Variants in NOVA2 observed in about 807,000 individuals in gnomAD.
The protein encoded by NOVA2 is RNA-binding protein Nova-2.
NOVA2 carries 9 observed loss-of-function variants against 22.5 expected under a neutral mutation model. The ratio of observed to expected loss-of-function variants is 0.40; its 90% CI spans 0.24 to 0.70. NOVA2 has a LOEUF of 0.70. NOVA2 is among the 30% of genes least tolerant of loss of function. The pLI is 0.38. For synonymous variants in NOVA2, 318 were observed against 335.2 expected (o/e 0.95, Z 0.56); for missense variants, 383 against 682.8 (o/e 0.56, Z 4.89).
chr19:45,962,988 G>C (rs4803876), intron 1 of NOVA2, among the ~76,000 whole-genome samples: 8,633 of 151,600 alleles, frequency 0.057, 605 homozygotes, highest in East Asian at 0.16. Flanking sequence ...AAAGCATTTT[G>C]TTAATGTAGT....
Position 45,940,292 on chromosome 19 carries a change from G to A in NOVA2, c.1050C>T (p.Pro350=). The change falls in exon 4 of 4, where the codon CCC becomes CCT. Residue 350 remains proline (P), a synonymous_variant. Coordinates refer to ENST00000263257, the MANE Select transcript of NOVA2 (RefSeq NM_002516.4). ...GGAAPPPPPP[P]GALGSFALAA... ...CCAACGCAAAGGACCCCAGGGCTCC[G>A]GGAGGCGGGGGCGGCGGCGGGGCGG... is the stretch of plus-strand genomic sequence containing the variant. 5 of 1,124,522 alleles carry A rather than the reference G, an allele frequency of 4.4e-6. No homozygotes were observed. The highest frequency in any genetic ancestry group is 4.3e-6 in the Non-Finnish European group (4 of 922,538). 69.7% of individuals were successfully genotyped at this position (1,124,522 alleles called of 1,614,324 possible).
chr19:45,941,618 CAG>C (rs1967759778), intron 3 of NOVA2, among the ~76,000 whole-genome samples: 1 of 151,576 alleles, frequency 6.6e-6, no homozygotes, highest in Non-Finnish European at 1.5e-5. Context: ...TATTTCAGGT[CAG>C]GTGCAATGGC....
chr19:45,939,812 A>G lies in NOVA2; in HGVS notation c.*51T>C. ...GGAGTTGGGGGGGAGGAGGAGAGGG[A>G]AGAGGAGGAGATGGGAGGAGAGAAA... is the stretch of plus-strand genomic sequence containing the variant. On this transcript the variant is annotated 3_prime_UTR_variant, in exon 4 of 4. Coordinates refer to ENST00000263257, the MANE Select transcript of NOVA2 (RefSeq NM_002516.4). The G allele has an allele frequency of 6.2e-7, 1 of 1,604,096 alleles. No homozygotes were observed. Among genetic ancestry groups the G allele is most frequent in the Non-Finnish European group, 8.5e-7 (1 of 1,173,942 alleles).
Position 45,934,937 on chromosome 19 carries a change from TC to T in NOVA2, c.*4925del, listed in dbSNP as rs1215346693. 1 of 149,824 alleles carries T rather than the reference TC, an allele frequency of 6.7e-6. No individual in the cohort carries two copies. Among genetic ancestry groups the T allele is most frequent in the South Asian group, 2.1e-4 (1 of 4,692 alleles). The allele number at this position is 149,824 out of a possible 1,614,324, so 9.3% of individuals were successfully genotyped here. ...GGAAAGGTAGCAACTGCCCCTAGCC[TC>T]CCCCCTCCCCCCTGCCGGACACACA... On this transcript the variant is annotated 3_prime_UTR_variant, in exon 4 of 4. Coordinates refer to ENST00000263257, the MANE Select transcript of NOVA2 (RefSeq NM_002516.4).
In NOVA2 at chr19:45,973,301, G is replaced by T. The variant is rs769510806; in HGVS notation, c.51C>A (p.Pro17=). Residue 17 remains proline (P), a synonymous_variant, in exon 1 of 4, where the codon CCC becomes CCA. Transcript: ENST00000263257. The part of the protein sequence containing the change: ...DSRKRPLETP[P]EVVCTKRSNT... ...TGCTGCGCTTGGTGCAGACCACCTC[G>T]GGGGGCGTTTCGAGGGGCCTCTTGC... The T allele has an allele frequency of 3.0e-6, 4 of 1,344,682 alleles. No individual in the cohort carries two copies. The highest frequency in any genetic ancestry group is 2.9e-6 in the Non-Finnish European group (3 of 1,040,186). 83.3% of individuals were successfully genotyped at this position (1,344,682 alleles called of 1,614,324 possible).
At chr19:45,948,998 C>T (rs896524662) in intron 3 of NOVA2, among the ~76,000 whole-genome samples, 1 of 152,002 alleles carries the variant, frequency 6.6e-6, no homozygotes, top group Admixed American at 6.6e-5. Flanking sequence ...AGATAAACCT[C>T]GAAAGTATTA....
rs368650005 is a variant in NOVA2, at chr19:45,937,399, C to A, written c.*2464G>T. The A allele has an allele frequency of 1.3e-5, 2 of 152,568 alleles. No homozygotes were observed. The highest frequency in any genetic ancestry group is 3.9e-4 in the East Asian group (2 of 5,180). The allele number at this position is 152,568 out of a possible 1,614,324, so 9.5% of individuals were successfully genotyped here. A position where few individuals can be genotyped will look rare whatever the true frequency, so the allele number is the denominator to read the frequency against. On this transcript the variant is annotated 3_prime_UTR_variant, in exon 4 of 4. Transcript: ENST00000263257. ...GACCTTACTTCACTCTCCCTGGCTC[C>A]TTCCCTTCCTCATAGGGTCCTGGGG...
Position 45,939,929 on chromosome 19 carries a change from G to A in NOVA2, c.1413C>T (p.Tyr471=), listed in dbSNP as rs1175468212. ...GSPAATQAAQ[Y]LISQRVTYEQ... is the part of the protein sequence containing the mutation. ...CGTAGGTGACCCGCTGACTGATGAG[G>A]TATTGAGCGGCTTGCGTGGCCGCGG... is the stretch of plus-strand genomic sequence containing the variant. Residue 471 remains tyrosine (Y), a synonymous_variant, in exon 4 of 4, where the codon TAC becomes TAT. Coordinates refer to ENST00000263257, the MANE Select transcript of NOVA2 (RefSeq NM_002516.4). 6.2e-7 allele frequency: 1 copy of A among 1,614,218 alleles called. No individual in the cohort carries two copies. Among genetic ancestry groups the A allele is most frequent in the Admixed American group, 1.7e-5 (1 of 60,032 alleles).
chr19:45,957,336 C>T (rs148304563), intron 2 of NOVA2, among the ~76,000 whole-genome samples: 12 of 151,928 alleles, frequency 7.9e-5, no homozygotes, highest in African/African-American at 1.9e-4. Flanking sequence ...GTCTGGAGTC[C>T]GAGACCAGCC....
chr19:45,940,481 T>C lies in NOVA2; in HGVS notation c.861A>G (p.Ala287=). 6.5e-7 allele frequency: 1 copy of C among 1,531,534 alleles called. No homozygotes were observed. The highest frequency in any genetic ancestry group is 8.8e-7 in the Non-Finnish European group (1 of 1,139,510). The allele number at this position is 1,531,534 out of a possible 1,614,324, so 94.9% of individuals were successfully genotyped here. A position where few individuals can be genotyped will look rare whatever the true frequency, so the allele number is the denominator to read the frequency against. Residue 287 remains alanine (A), a synonymous_variant, in exon 4 of 4, where the codon GCA becomes GCG. Transcript: ENST00000263257. Reference sequence around the variant, plus strand: ...GGGAGTTGGTGTTGTAGCCGTAACTTGCCAGCGTGTTAAGCGCCGTGCTGA... The same window carrying C: ...GGGAGTTGGTGTTGTAGCCGTAACTCGCCAGCGTGTTAAGCGCCGTGCTGA... ...LAISTALNTL[A]SYGYNTNSLG...
At chr19:45,941,819 C>T (rs1967763643) in intron 3 of NOVA2, among the ~76,000 whole-genome samples, 1 of 152,122 alleles carries the variant, frequency 6.6e-6, no homozygotes, top group Non-Finnish European at 1.5e-5. Context: ...CTCAGTAGCC[C>T]CTCAACCACC....
chr19:45,946,820 C>T (rs765077113), intron 3 of NOVA2, among the ~76,000 whole-genome samples: 3 of 150,946 alleles, frequency 2.0e-5, no homozygotes, highest in Admixed American at 6.6e-5. Flanking sequence ...TGCAGCGAGC[C>T]GAGATCATCG....
chr19:45,970,328 TA>T (rs1968217057), intron 1 of NOVA2, among the ~76,000 whole-genome samples: 2 of 152,060 alleles, frequency 1.3e-5, no homozygotes, highest in Middle Eastern at 3.2e-3. Context: ...CGTAAGACAT[TA>T]AACAATAATA....
intron 3 of NOVA2, among the ~76,000 whole-genome samples, chr19:45,953,029 G>C (rs1057458333): frequency 4.6e-5 from 7 of 152,254 alleles, no homozygotes; most frequent in Admixed American, 2.6e-4. Context: ...GCATGCATAG[G>C]GGAGTGGGGA....
At chr19:45,972,901 C>G (rs1298193647) in intron 1 of NOVA2, among the ~76,000 whole-genome samples, 1 of 152,114 alleles carries the variant, frequency 6.6e-6, no homozygotes, top group Admixed American at 6.5e-5. Flanking sequence ...TTCCCCTCCC[C>G]CAGCCAGGAC....
chr19:45,940,744 C>T lies in NOVA2; in HGVS notation c.598G>A (p.Val200Ile). 6.2e-7 allele frequency: 1 copy of T among 1,610,016 alleles called. No homozygotes were observed. The highest frequency in any genetic ancestry group is 8.5e-7 in the Non-Finnish European group (1 of 1,179,854). The change falls in exon 4 of 4, where the codon GTA (valine) becomes ATA (isoleucine). Residue 200 changes from valine (V) to isoleucine (I), a missense_variant. Val to Ile is a conservative substitution (Grantham distance 29, BLOSUM62 3). Coordinates refer to ENST00000263257, the MANE Select transcript of NOVA2 (RefSeq NM_002516.4). The stretch of plus-strand genomic sequence containing the variant: ...CTGCTGCTCTGGGGGTCTTCTTGTA[C>T]CTTCTGCACGATGGCGCTCACGGCC... Reference protein sequence around the residue: ...HKAVSAIVQKVQEDPQSSSCL... With the variant: ...HKAVSAIVQKIQEDPQSSSCL...
intron 2 of NOVA2, among the ~76,000 whole-genome samples, chr19:45,959,838 G>GAGAGAA (rs1272762578): frequency 2.6e-5 from 4 of 151,140 alleles, no homozygotes; most frequent in Admixed American, 2.0e-4. Flanking sequence ...GAGAGAGAGA[G>GAGAGAA]AGAGAAAGAG....
intron 1 of NOVA2, 100 bp downstream of exon 1, chr19:45,973,167 T>A: frequency 2.5e-6 from 1 of 395,546 alleles, no homozygotes; most frequent in Non-Finnish European, 4.1e-6. Flanking sequence ...GTCTCTCCCC[T>A]CCCCAGAGCC....
intron 3 of NOVA2, among the ~76,000 whole-genome samples, chr19:45,947,581 C>T (rs958400411): frequency 1.3e-5 from 2 of 151,472 alleles, no homozygotes; most frequent in Non-Finnish European, 2.9e-5. Context: ...TCAAGCGATT[C>T]TCCTGCCTCA....
Sources: allele counts gnomAD v4.1 joint callset (sites outside exome capture counted in the v4.1 genomes callset), GRCh38; gene constraint gnomAD v4.1.1; transcripts MANE v1.5; gene names NCBI Gene and HGNC (gene_info 2026-07-23, HGNC 2026-07-21).